Variants in SPOCK1 observed in about 807,000 individuals in gnomAD.
SPOCK1 encodes SPARC (osteonectin), cwcv and kazal like domains proteoglycan 1.
Under a neutral mutation model 55.3 loss-of-function variants are expected in SPOCK1, and 23 were observed. The ratio of observed to expected loss-of-function variants is 0.42; its 90% confidence interval spans 0.30 to 0.59. The LOEUF (loss-of-function observed/expected upper bound fraction) is 0.59, where lower values mean the gene tolerates loss of function less well. Among genes scored for constraint, SPOCK1 ranks in the 20% least tolerant of loss-of-function variants. The probability of loss-of-function intolerance (pLI) is 0.22; values close to 1 mark genes in which losing one functional copy is unlikely to be tolerated. For synonymous variants in SPOCK1, 226 were observed against 221.0 expected, an observed-to-expected ratio of 1.02 and a Z score of -0.20; for missense variants, 499 against 552.5, an observed-to-expected ratio of 0.90 and a Z score of 0.97.
chr5:137,284,658 T>C (rs976180000), intron 2 of SPOCK1, among the ~76,000 whole-genome samples: 2 of 152,186 alleles, frequency 1.3e-5, no homozygotes, highest in South Asian at 2.1e-4. Context: ...AATACATGTT[T>C]AATTACAAAT....
chr5:137,460,830 A>G (rs1195132030), intron 2 of SPOCK1, among the ~76,000 whole-genome samples: 1 of 152,146 alleles, frequency 6.6e-6, no homozygotes, highest in Non-Finnish European at 1.5e-5. Context: ...CCTCAAACAC[A>G]CCATATTCAT....
intron 2 of SPOCK1, among the ~76,000 whole-genome samples, chr5:137,391,466 A>G (rs1751720882): frequency 6.6e-6 from 1 of 152,168 alleles, no homozygotes; most frequent in South Asian, 2.1e-4. Context: ...CTTAAGGAGA[A>G]CAGACTTCAA....
chr5:137,073,611 A>G (rs1043291116), intron 5 of SPOCK1, among the ~76,000 whole-genome samples: 2 of 152,250 alleles, frequency 1.3e-5, no homozygotes, highest in Non-Finnish European at 2.9e-5. Context: ...TAAGGCTTCC[A>G]AATAAGTCAG....
At chr5:137,145,108 C>G (rs912433940) in intron 3 of SPOCK1, among the ~76,000 whole-genome samples, 1 of 151,764 alleles carries the variant, frequency 6.6e-6, no homozygotes, top group Non-Finnish European at 1.5e-5. Context: ...CAAGAGTCAA[C>G]TGGCACCCAG....
chr5:137,206,405 A>G (rs1216504166), intron 3 of SPOCK1, among the ~76,000 whole-genome samples: 1 of 152,234 alleles, frequency 6.6e-6, no homozygotes, highest in Admixed American at 6.5e-5. Flanking sequence ...GAGCCTGCCA[A>G]ACACGGAAAG....
At chr5:137,206,086 T>C (rs1467994320) in intron 3 of SPOCK1, among the ~76,000 whole-genome samples, 3 of 152,298 alleles carry the variant, frequency 2.0e-5, no homozygotes, top group Non-Finnish European at 2.9e-5. Context: ...AAAAGCAAGA[T>C]TCAATATGTA....
intron 2 of SPOCK1, among the ~76,000 whole-genome samples, chr5:137,436,792 A>G (rs1455169930): frequency 6.6e-6 from 1 of 152,002 alleles, no homozygotes; most frequent in Non-Finnish European, 1.5e-5. Context: ...AATTTTTGTG[A>G]TTTTCCTCAT....
At chr5:137,155,416 G>C (rs930067989) in intron 3 of SPOCK1, among the ~76,000 whole-genome samples, 2 of 152,170 alleles carry the variant, frequency 1.3e-5, no homozygotes, top group Non-Finnish European at 2.9e-5. Flanking sequence ...TCAGAAGGCT[G>C]ATCACCTCAC....
At chr5:137,015,862 A>T (rs1231756559) in intron 6 of SPOCK1, among the ~76,000 whole-genome samples, 1 of 152,206 alleles carries the variant, frequency 6.6e-6, no homozygotes, top group Non-Finnish European at 1.5e-5. Context: ...AAGTCAGGAT[A>T]CCATTTTAAA....
chr5:137,129,206 C>T (rs538106092), intron 4 of SPOCK1, among the ~76,000 whole-genome samples: 2 of 152,304 alleles, frequency 1.3e-5, no homozygotes, highest in Admixed American at 1.3e-4. Context: ...CAGGCCTCCC[C>T]TTTCTCATTT....
intron 5 of SPOCK1, among the ~76,000 whole-genome samples, chr5:137,081,579 C>G (rs1006205979): frequency 2.0e-5 from 3 of 152,164 alleles, no homozygotes; most frequent in Admixed American, 6.5e-5. Flanking sequence ...GAAAATAAAC[C>G]CCAAATATCT....
At chr5:136,998,506 C>T (rs1484492503) in intron 6 of SPOCK1, among the ~76,000 whole-genome samples, 2 of 152,220 alleles carry the variant, frequency 1.3e-5, no homozygotes, top group South Asian at 2.1e-4. Flanking sequence ...GCCATCCCCA[C>T]GTGCAGGACT....
chr5:137,132,604 G>A (rs1158717576), intron 4 of SPOCK1, among the ~76,000 whole-genome samples: 1 of 152,126 alleles, frequency 6.6e-6, no homozygotes, highest in Non-Finnish European at 1.5e-5. Flanking sequence ...TCAATCCCTG[G>A]CCCTACCATT....
At chr5:137,032,953 A>G (rs1751810779) in intron 6 of SPOCK1, among the ~76,000 whole-genome samples, 1 of 152,224 alleles carries the variant, frequency 6.6e-6, no homozygotes, top group South Asian at 2.1e-4. Flanking sequence ...CCTGAGAAGA[A>G]GAGATGCACA....
At chr5:137,004,040 G>T (rs953508654) in intron 6 of SPOCK1, among the ~76,000 whole-genome samples, 6 of 152,142 alleles carry the variant, frequency 3.9e-5, no homozygotes, top group Admixed American at 6.5e-5. Flanking sequence ...GTTTAGAGTG[G>T]ATGGTGCCAT....
At chr5:137,423,321 G>A (rs1752541576) in intron 2 of SPOCK1, among the ~76,000 whole-genome samples, 3 of 152,198 alleles carry the variant, frequency 2.0e-5, no homozygotes, top group African/African-American at 7.2e-5. Flanking sequence ...CTGTCAGACA[G>A]GGACATTTAA....
chr5:137,118,634 T>C (rs1753634673), intron 4 of SPOCK1, among the ~76,000 whole-genome samples: 1 of 152,208 alleles, frequency 6.6e-6, no homozygotes, highest in Non-Finnish European at 1.5e-5. Flanking sequence ...TAGCAATAAA[T>C]ACATGTACAG....
intron 2 of SPOCK1, among the ~76,000 whole-genome samples, chr5:137,422,343 T>C (rs901172163): frequency 1.3e-5 from 2 of 152,244 alleles, no homozygotes; most frequent in African/African-American, 2.4e-5. Flanking sequence ...CCTTGCTAGA[T>C]TGGGGAAGTT....
chr5:137,471,807 T>C (rs1056218123), intron 2 of SPOCK1, among the ~76,000 whole-genome samples: 5 of 151,826 alleles, frequency 3.3e-5, no homozygotes, highest in African/African-American at 9.7e-5. Context: ...ACCCCATCAC[T>C]CCCTCCACTT....
Sources: gnomAD v4.1 joint callset for allele counts (sites outside exome capture counted in the v4.1 genomes callset) on GRCh38, gnomAD v4.1.1 for gene constraint, MANE v1.5 for transcripts, NCBI Gene and HGNC (gene_info 2026-07-23, HGNC 2026-07-21) for gene names.